DRAXIN: variants seen among roughly 807,000 people sequenced by gnomAD.
DRAXIN encodes dorsal repulsive axon guidance protein.
Under a neutral mutation model 33.9 loss-of-function variants are expected in DRAXIN, and 27 were observed. That is an observed-to-expected ratio of 0.80 (90% CI 0.59 to 1.10). The LOEUF is 1.10. Ranked by LOEUF, DRAXIN falls within the 50% of genes least tolerant of loss-of-function variation. DRAXIN has a pLI of 0.00. For synonymous variants in DRAXIN, 178 were observed against 194.0 expected (o/e 0.92, Z 0.69); for missense variants, 371 against 460.8 (o/e 0.81, Z 1.78).
intron 1 of DRAXIN, among the ~76,000 whole-genome samples, chr1:11,698,744 C>T (rs1168429420): frequency 2.0e-5 from 3 of 152,262 alleles, no homozygotes. Context: ...GTTGTCCCAG[C>T]TACTTAGGAG....
In DRAXIN at chr1:11,692,005, C is replaced by A. The variant is rs1285415434; in HGVS notation, c.-11+152C>A. ...AGGATGCTGCCTCCTTCCCAGCCCT[C>A]GGACCCGTCTATCCGCCAGTCCTTC... On this transcript the variant is annotated intron_variant, in intron 1 of 6. Coordinates refer to ENST00000294485, the MANE Select transcript of DRAXIN (RefSeq NM_198545.4). This position sits in a 1 kb window ranked among gnomAD's most constrained non-coding sequence, Gnocchi z 5.8. Among the ~76,000 whole-genome samples, 1 of 151,986 alleles carries A rather than the reference C, an allele frequency of 6.6e-6. No individual in the cohort carries two copies. The highest frequency in any genetic ancestry group is 1.5e-5 in the Non-Finnish European group (1 of 67,962).
chr1:11,711,195 C>G (rs1057442844), intron 3 of DRAXIN, among the ~76,000 whole-genome samples: 2 of 152,208 alleles, frequency 1.3e-5, no homozygotes, highest in African/African-American at 4.8e-5. Context: ...GGGTCTTGCA[C>G]CCCCTTGAGA....
chr1:11,712,037 G>T lies in DRAXIN; in HGVS notation c.757+72G>T, dbSNP rs560119423. 7.4e-5 allele frequency: 101 copies of T among 1,368,930 alleles called. No individual in the cohort carries two copies. The East Asian group carries it at 2.1e-3, about 28-fold the overall frequency. The allele number at this position is 1,368,930 out of a possible 1,614,324, so 84.8% of individuals were successfully genotyped here. On this transcript the variant is annotated intron_variant, in intron 4 of 6. Transcript: ENST00000294485. ...TCCCGCACCATCTGTTGAGGTGGGGGCCCCAGTGAGCCCTGTCTGATCTTC... is the reference window on the plus strand; with the variant it reads ...TCCCGCACCATCTGTTGAGGTGGGGTCCCCAGTGAGCCCTGTCTGATCTTC...
chr1:11,697,998 C>T (rs1360735423), intron 1 of DRAXIN, among the ~76,000 whole-genome samples: 1 of 152,138 alleles, frequency 6.6e-6, no homozygotes, highest in African/African-American at 2.4e-5. Flanking sequence ...GAATCCCACC[C>T]GCCCCATCCT....
At chr1:11,709,003 CT>C (rs1160222822) in intron 2 of DRAXIN, among the ~76,000 whole-genome samples, 2 of 152,252 alleles carry the variant, frequency 1.3e-5, no homozygotes, top group African/African-American at 4.8e-5. Flanking sequence ...CCCAGCCAAT[CT>C]GGACTTGGAC....
intron 6 of DRAXIN, among the ~76,000 whole-genome samples, chr1:11,718,294 G>A (rs1400040605): frequency 8.3e-6 from 1 of 120,000 alleles, no homozygotes; most frequent in African/African-American, 3.1e-5. Context: ...CAGCCTGGGT[G>A]ACAAGAGCAA....
chr1:11,690,303 C>A (rs894257355), upstream of DRAXIN, among the ~76,000 whole-genome samples: 1 of 152,136 alleles, frequency 6.6e-6, no homozygotes, highest in Non-Finnish European at 1.5e-5. The surrounding 1 kb of genome is among the most constrained non-coding windows in gnomAD (Gnocchi z 4.2). Context: ...TCAAACCTTT[C>A]AGTGAATAAA....
rs551294224 is a variant in DRAXIN at position 11,722,834 on chromosome 1, T to C, written c.*3138T>C. 1 of 152,712 alleles carries C rather than the reference T, an allele frequency of 6.5e-6. No individual in the cohort carries two copies. The highest frequency in any genetic ancestry group is 2.1e-4 in the South Asian group (1 of 4,834). The allele number at this position is 152,712 out of a possible 1,614,324, so 9.5% of individuals were successfully genotyped here. ...AAAATATTATTCTCTCTTTCCTTTT[T>C]TTTTTTTTTGGAGATGGAGTTTTGC... On this transcript the variant is annotated 3_prime_UTR_variant, in exon 7 of 7. Transcript: ENST00000294485.
chr1:11,710,937 G>A (rs1641485443), intron 3 of DRAXIN, among the ~76,000 whole-genome samples: 2 of 80,256 alleles, frequency 2.5e-5, no homozygotes, highest in African/African-American at 1.2e-4. Flanking sequence ...AAAAAAAAAG[G>A]TTTTCAAACT....
chr1:11,719,564 C>G lies in DRAXIN; in HGVS notation c.938-20C>G, dbSNP rs773171711. ...ACGGGCCCTTCGCGCCTCTGACCCC[C>G]CTTGCCTCCACTCGCCCAGGGCTGC... On this transcript the variant is annotated intron_variant, in intron 6 of 6. Transcript: ENST00000294485. The G allele has an allele frequency of 4.4e-6, 7 of 1,598,122 alleles. No individual in the cohort carries two copies. The East Asian group carries it at 9.1e-5, about 21-fold the overall frequency.
In DRAXIN at chr1:11,692,931, C is replaced by G. The variant is rs942907574; in HGVS notation, c.-11+1078C>G. Among the ~76,000 whole-genome samples the G allele has an allele frequency of 6.6e-6, 1 of 151,102 alleles. No homozygotes were observed. The highest frequency in any genetic ancestry group is 2.1e-4 in the South Asian group (1 of 4,766). ...TGGGGTGCCGCTTGGTGCTGGTTCACACACCCTGTGGAGGAAGGGAGGGGA... is the reference window on the plus strand; with the variant it reads ...TGGGGTGCCGCTTGGTGCTGGTTCAGACACCCTGTGGAGGAAGGGAGGGGA... On this transcript the variant is annotated intron_variant, in intron 1 of 6. Coordinates refer to ENST00000294485, the MANE Select transcript of DRAXIN (RefSeq NM_198545.4). This position sits in a 1 kb window ranked among gnomAD's most constrained non-coding sequence, Gnocchi z 5.8.
intron 1 of DRAXIN, among the ~76,000 whole-genome samples, chr1:11,699,948 ATAAAG>A (rs1451380511): frequency 6.8e-6 from 1 of 146,948 alleles, no homozygotes; most frequent in Non-Finnish European, 1.5e-5. Flanking sequence ...AAATAAATAA[ATAAAG>A]TAAATCCAGG....
Position 11,706,346 on chromosome 1 carries a change from C to T in DRAXIN, c.88C>T (p.Pro30Ser). The change falls in exon 2 of 7, where the codon CCT becomes TCT. Residue 30 changes from proline to serine, a missense_variant. Transcript: ENST00000294485. The surrounding 1 kb of genome is among the most constrained non-coding windows in gnomAD (Gnocchi z 5.5). The stretch of plus-strand genomic sequence containing the variant: ...GCTGAGCCTGGCAGGCGCCCTTGCA[C>T]CTGGGACCCCTGCCCGGAACCTCCC... ...LELSLAGALA[P>S]GTPARNLPEN... 1.9e-6 allele frequency: 3 copies of T among 1,613,934 alleles called. No individual in the cohort carries two copies. The highest frequency in any genetic ancestry group is 2.5e-6 in the Non-Finnish European group (3 of 1,180,026).
Position 11,696,226 on chromosome 1 carries a change from C to T in DRAXIN, c.-11+4373C>T, listed in dbSNP as rs1269641495. 6.6e-6 allele frequency among the ~76,000 whole-genome samples: 1 copy of T among 152,250 alleles called. No homozygotes were observed. The highest frequency in any genetic ancestry group is 1.5e-5 in the Non-Finnish European group (1 of 68,050). ...ACCCATGCCTGCCACCTTACTCCCT[C>T]TGTCTCCCCTTCCCATAGTAACAAC... On this transcript the variant is annotated intron_variant, in intron 1 of 6. Transcript: ENST00000294485. The surrounding 1 kb of genome is among the most constrained non-coding windows in gnomAD (Gnocchi z 4.7).
chr1:11,708,194 G>A (rs1412245666), intron 2 of DRAXIN, among the ~76,000 whole-genome samples: 1 of 152,246 alleles, frequency 6.6e-6, no homozygotes, highest in African/African-American at 2.4e-5. Context: ...GTCCTGCTGG[G>A]CTCCGGCTCC....
upstream of DRAXIN, among the ~76,000 whole-genome samples, chr1:11,689,079 T>A (rs148262846): frequency 1.2e-4 from 18 of 152,288 alleles, no homozygotes; most frequent in Admixed American, 6.5e-4. Context: ...GCAGATTGCC[T>A]GGGGTCAGGA....
intron 1 of DRAXIN, among the ~76,000 whole-genome samples, chr1:11,699,304 A>C (rs979022127): frequency 2.0e-5 from 3 of 152,158 alleles, no homozygotes. Flanking sequence ...GTGTTTTATA[A>C]GCAGTGTAGC....
intron 1 of DRAXIN, among the ~76,000 whole-genome samples, chr1:11,693,741 A>G (rs1307871866): frequency 1.3e-5 from 2 of 152,124 alleles, no homozygotes; most frequent in Admixed American, 1.3e-4. Context: ...TCTGCAGCAA[A>G]GCCAGCTCAG....
intron 3 of DRAXIN, 97 bp from the exon 4 acceptor site, chr1:11,711,754 C>T: frequency 8.4e-7 from 1 of 1,186,150 alleles, no homozygotes; most frequent in Non-Finnish European, 1.2e-6. Flanking sequence ...AAGGTGGCCT[C>T]TGAGAAGCCT....
Sources: allele counts gnomAD v4.1 joint callset (sites outside exome capture counted in the v4.1 genomes callset), GRCh38; gene constraint gnomAD v4.1.1; non-coding constraint Gnocchi (gnomAD v3.1); transcripts MANE v1.5; gene names NCBI Gene and HGNC (gene_info 2026-07-23, HGNC 2026-07-21).